The following CIMAP1D variants were observed in gnomAD, a reference collection of about 807,000 sequenced individuals.
The protein encoded by CIMAP1D is CIMAP1 family member D.
At chr19:477,918 T>C in the CIMAP1D span, among the ~76,000 whole-genome samples, 41 of 152,308 alleles carry the variant, frequency 2.7e-4, no homozygotes, top group South Asian at 2.1e-3. Flanking sequence ...CCGGACCTGC[T>C]TTCCCTCCCT....
At chr19:474,457 G>T in the CIMAP1D span, among the ~76,000 whole-genome samples, 1 of 151,200 alleles carries the variant, frequency 6.6e-6, no homozygotes, top group Admixed American at 6.6e-5. Flanking sequence ...GCAACCCCGT[G>T]TCCACACCCA....
the CIMAP1D span, chr19:464,105 G>T: frequency 7.9e-7 from 1 of 1,266,400 alleles, no homozygotes; most frequent in Non-Finnish European, 1.0e-6. Flanking sequence ...ACTGGCCCGG[G>T]CCTGGTATCT....
At chr19:477,079 T>G in the CIMAP1D span, among the ~76,000 whole-genome samples, 9 of 152,110 alleles carry the variant, frequency 5.9e-5, no homozygotes, top group Admixed American at 5.2e-4. Flanking sequence ...TGGTGGTGTG[T>G]GCCTGTAATC....
the CIMAP1D span, among the ~76,000 whole-genome samples, chr19:478,589 T>C: frequency 6.6e-6 from 1 of 152,230 alleles, no homozygotes; most frequent in Admixed American, 6.5e-5. Flanking sequence ...TCAGAGCTTG[T>C]CGCAACTGCC....
chr19:475,978 C>T, the CIMAP1D span, among the ~76,000 whole-genome samples: 2 of 125,572 alleles, frequency 1.6e-5, no homozygotes, highest in African/African-American at 5.8e-5. Flanking sequence ...TTTCACCACG[C>T]CTGGCTAATT....
chr19:480,466 GAAGGATGATGGGGAAGGATGATGGT>G, the CIMAP1D span, among the ~76,000 whole-genome samples: 1 of 150,702 alleles, frequency 6.6e-6, no homozygotes, highest in Non-Finnish European at 1.5e-5. Context: ...AGGATGATGG[GAAGGATGATGGGGAAGGATGATGGT>G]AAGGATGATG....
chr19:481,212 G>GA, the CIMAP1D span, among the ~76,000 whole-genome samples: 1 of 85,982 alleles, frequency 1.2e-5, no homozygotes, highest in African/African-American at 7.7e-5. Flanking sequence ...AGGATGATGA[G>GA]AAGGATGATG....
chr19:487,912 G>C, the CIMAP1D span, among the ~76,000 whole-genome samples: 3 of 152,196 alleles, frequency 2.0e-5, no homozygotes, highest in African/African-American at 4.8e-5. Context: ...ACTGGGTTAC[G>C]TTATCTATAG....
the CIMAP1D span, among the ~76,000 whole-genome samples, chr19:485,438 CAGA>C: frequency 1.3e-5 from 2 of 152,244 alleles, no homozygotes; most frequent in Admixed American, 1.3e-4. Flanking sequence ...GTCCAGATGA[CAGA>C]CATGACTGCT....
At chr19:486,763 A>C in the CIMAP1D span, among the ~76,000 whole-genome samples, 1 of 151,734 alleles carries the variant, frequency 6.6e-6, no homozygotes, top group East Asian at 2.0e-4. Context: ...AAATACAAAA[A>C]ATTAGCCAGG....
chr19:465,665 GTAGA>G, the CIMAP1D span, among the ~76,000 whole-genome samples: 4 of 131,860 alleles, frequency 3.0e-5, no homozygotes, highest in African/African-American at 8.4e-5. Flanking sequence ...GAGTGGGTGG[GTAGA>G]TGGATGGGCA....
chr19:484,985 G>T, the CIMAP1D span, among the ~76,000 whole-genome samples: 1 of 152,294 alleles, frequency 6.6e-6, no homozygotes, highest in East Asian at 1.9e-4. Context: ...CACGGGGCCT[G>T]GGCTGGGGGC....
chr19:472,165 GCT>G, the CIMAP1D span, among the ~76,000 whole-genome samples: 1 of 152,278 alleles, frequency 6.6e-6, no homozygotes, highest in East Asian at 1.9e-4. Flanking sequence ...TCCTTACTGC[GCT>G]CTTTCTCCTT....
the CIMAP1D span, among the ~76,000 whole-genome samples, chr19:484,421 A>G: frequency 1.1e-4 from 16 of 152,264 alleles, no homozygotes; most frequent in South Asian, 1.9e-3. Context: ...GATTACAGGC[A>G]TGAGCCACCG....
chr19:479,570 A>C, the CIMAP1D span, among the ~76,000 whole-genome samples: 1 of 151,306 alleles, frequency 6.6e-6, no homozygotes, highest in Non-Finnish European at 1.5e-5. Context: ...ACGCCCGGCT[A>C]ATTTTTGTAT....
chr19:466,219 GGTGGATGGATGA>G, the CIMAP1D span, among the ~76,000 whole-genome samples: 2 of 131,636 alleles, frequency 1.5e-5, no homozygotes, highest in South Asian at 5.6e-4. Flanking sequence ...TGGGCGGGTG[GGTGGATGGATGA>G]GTGGATGGAT....
At chr19:465,786 T>C in the CIMAP1D span, among the ~76,000 whole-genome samples, 1 of 141,742 alleles carries the variant, frequency 7.1e-6, no homozygotes, top group Admixed American at 7.2e-5. Flanking sequence ...GGTGGATAGC[T>C]GGACAGATGG....
chr19:470,208 T>C, the CIMAP1D span, among the ~76,000 whole-genome samples: 1 of 3,840 alleles, frequency 2.6e-4, no homozygotes, highest in African/African-American at 4.2e-3. Flanking sequence ...GGCTAAGTTC[T>C]TTTTTTTTTT....
the CIMAP1D span, chr19:464,302 G>A: frequency 2.3e-5 from 36 of 1,542,108 alleles, no homozygotes; most frequent in African/African-American, 1.8e-4. Context: ...GGCGGTGTCC[G>A]ATGGCGCACA....
Sources: gnomAD v4.1 joint callset for allele counts (sites outside exome capture counted in the v4.1 genomes callset) on GRCh38, gnomAD v4.1.1 for gene constraint, MANE v1.5 for transcripts, NCBI Gene and HGNC (gene_info 2026-07-23, HGNC 2026-07-21) for gene names.